MYOM2: variants seen among roughly 807,000 people sequenced by gnomAD.
The protein encoded by MYOM2 is myomesin-2.
A neutral mutation model predicts 187.6 loss-of-function variants in MYOM2; 254 were observed. The observed-to-expected ratio is 1.35, with a 90% CI of 1.22 to 1.50. The LOEUF is 1.50. Among genes scored for constraint, MYOM2 ranks in the 40% most tolerant of loss-of-function variants. The pLI is 0.00. For missense variants in MYOM2, 2,796 were observed against 1,924.0 expected (o/e 1.45, Z -8.48); for synonymous variants, 981 against 753.8 (o/e 1.30, Z -4.94).
Position 2,057,328 on chromosome 8 carries a change from C to A in MYOM2, c.264-20C>A, listed in dbSNP as rs780577799. The A allele has an allele frequency of 6.3e-7, 1 of 1,586,566 alleles. No individual in the cohort carries two copies. On this transcript the variant is annotated intron_variant, in intron 3 of 36. Transcript: ENST00000262113. ...TTCTTCGTGACTCCTGCAACTGAGG[C>A]TGCTTCTCGGCTCCTGCAGGTACCA...
chr8:2,047,908 T>C (rs929022655), intron 1 of MYOM2, among the ~76,000 whole-genome samples: 2 of 152,202 alleles, frequency 1.3e-5, no homozygotes, highest in Admixed American at 6.5e-5. Flanking sequence ...ATAGGTTGCA[T>C]TGGACAGGAC....
intron 6 of MYOM2, among the ~76,000 whole-genome samples, chr8:2,059,926 G>C (rs1818796428): frequency 6.6e-6 from 1 of 152,018 alleles, no homozygotes. Context: ...ATTTTTAGTA[G>C]AGACGGGGTT....
intron 12 of MYOM2, 36 bp from the exon 13 acceptor site, chr8:2,079,524 G>A (rs766097653): frequency 1.9e-5 from 31 of 1,610,220 alleles, no homozygotes; most frequent in African/African-American, 1.9e-4. Flanking sequence ...GGAAAACTTC[G>A]CATGTCAAAT....
chr8:2,124,920 C>A (rs887186471), intron 31 of MYOM2, among the ~76,000 whole-genome samples: 2 of 152,070 alleles, frequency 1.3e-5, no homozygotes, highest in African/African-American at 4.8e-5. Context: ...AGATCCTTTG[C>A]CCATTTTTAA....
At chr8:2,085,462 CCCACCGCTGTCGTGATCTCCGCGTGG>C in intron 14 of MYOM2, 72 bp downstream of exon 14, 2 of 1,540,360 alleles carry the variant, frequency 1.3e-6, no homozygotes, top group Non-Finnish European at 1.8e-6. Context: ...CTCTGCGTGG[CCCACCGCTGTCGTGATCTCCGCGTGG>C]CCCCTCACTG....
chr8:2,141,267 T>A (rs1798265454), intron 34 of MYOM2, 90 bp downstream of exon 34: 3 of 1,143,740 alleles, frequency 2.6e-6, no homozygotes, highest in Non-Finnish European at 3.9e-6. Context: ...TATGGAAGCC[T>A]GGGTGACCTA....
intron 25 of MYOM2, among the ~76,000 whole-genome samples, chr8:2,114,633 C>A (rs1797176971): frequency 6.6e-6 from 1 of 152,142 alleles, no homozygotes. Context: ...CCACACCTGG[C>A]TAATTCTTGT....
intron 13 of MYOM2, chr8:2,085,003 A>C (rs1397195286): frequency 4.6e-6 from 2 of 437,654 alleles, no homozygotes; most frequent in African/African-American, 4.0e-5. Context: ...TTCCAACAGA[A>C]TCTCTGGAAG....
At chr8:2,064,742 T>C (rs1194874072) in intron 6 of MYOM2, among the ~76,000 whole-genome samples, 1 of 152,180 alleles carries the variant, frequency 6.6e-6, no homozygotes, top group Non-Finnish European at 1.5e-5. Context: ...AGGGGGGCCG[T>C]GGCCTGGGGA....
At chr8:2,141,928 T>C (rs1317140839) in intron 34 of MYOM2, among the ~76,000 whole-genome samples, 2 of 152,226 alleles carry the variant, frequency 1.3e-5, no homozygotes, top group Non-Finnish European at 2.9e-5. Flanking sequence ...CCATCGAGTC[T>C]TCGCACATCC....
intron 31 of MYOM2, among the ~76,000 whole-genome samples, chr8:2,124,535 T>A (rs540179710): frequency 4.6e-5 from 7 of 152,248 alleles, no homozygotes; most frequent in Non-Finnish European, 5.9e-5. Context: ...TTTTTACATA[T>A]GTTGAATAGC....
intron 25 of MYOM2, among the ~76,000 whole-genome samples, chr8:2,113,741 A>C (rs186668997): frequency 2.0e-5 from 3 of 152,282 alleles, no homozygotes; most frequent in African/African-American, 7.2e-5. Flanking sequence ...TTATCTTCCA[A>C]AATTGCTCAG....
intron 14 of MYOM2, among the ~76,000 whole-genome samples, chr8:2,088,034 CT>C (rs960529482): frequency 1.0e-4 from 15 of 149,412 alleles, no homozygotes; most frequent in East Asian, 2.0e-4. Context: ...GGCAGGCACA[CT>C]TTTTTTTTTG....
chr8:2,114,600 G>A (rs1181609472), intron 25 of MYOM2, among the ~76,000 whole-genome samples: 2 of 152,130 alleles, frequency 1.3e-5, no homozygotes, highest in African/African-American at 4.8e-5. Flanking sequence ...CTTCTGAGTA[G>A]CTGGGATTAC....
chr8:2,087,636 G>A (rs562157343), intron 14 of MYOM2, among the ~76,000 whole-genome samples: 1 of 152,246 alleles, frequency 6.6e-6, no homozygotes, highest in African/African-American at 2.4e-5. Context: ...TTTGAGACCA[G>A]GTCTCATTTT....
At chr8:2,059,078 G>T in intron 5 of MYOM2, 75 bp from the exon 6 acceptor site, 11 of 1,269,172 alleles carry the variant, frequency 8.7e-6, no homozygotes, top group Non-Finnish European at 1.2e-5. Context: ...GCAGGCGCGG[G>T]GGAGCTGGGG....
intron 8 of MYOM2, among the ~76,000 whole-genome samples, chr8:2,071,669 C>A (rs376890660): frequency 1.3e-5 from 2 of 152,202 alleles, no homozygotes; most frequent in Non-Finnish European, 2.9e-5. Flanking sequence ...ACATTTAATT[C>A]TTCCGCAGTG....
intron 18 of MYOM2, chr8:2,096,945 G>C (rs771952645): frequency 1.5e-4 from 26 of 177,354 alleles, no homozygotes; most frequent in Non-Finnish European, 2.2e-4. Flanking sequence ...ACATCGACTT[G>C]GAGCTCAGAG....
rs558491375 is a variant in MYOM2, at chr8:2,084,596, G to C, written c.1517-667G>C. 3.3e-5 allele frequency among the ~76,000 whole-genome samples: 5 copies of C among 152,266 alleles called. 1 individual carries two copies. The South Asian group carries it at 8.3e-4, about 25-fold the overall frequency. On this transcript the variant is annotated intron_variant, in intron 13 of 36. Coordinates refer to ENST00000262113, the MANE Select transcript of MYOM2 (RefSeq NM_003970.4). The stretch of plus-strand genomic sequence containing the variant: ...CAAACAGAAATCCCCACACCTCATA[G>C]TATATTTAAAAAAGATGTATGTCAG...
Sources: gnomAD v4.1 joint callset for allele counts (sites outside exome capture counted in the v4.1 genomes callset) on GRCh38, gnomAD v4.1.1 for gene constraint, MANE v1.5 for transcripts, NCBI Gene and HGNC (gene_info 2026-07-23, HGNC 2026-07-21) for gene names.